The following CPEB4 variants were observed in gnomAD, a reference collection of about 807,000 sequenced individuals.
CPEB4 encodes cytoplasmic polyadenylation element binding protein 4, also known as cytoplasmic polyadenylation element-binding protein 4.
CPEB4 carries 12 observed loss-of-function variants against 72.5 expected under a neutral mutation model. The observed-to-expected ratio is 0.17, with a 90% CI of 0.11 to 0.27. The LOEUF (loss-of-function observed/expected upper bound fraction) is 0.27, where lower values mean the gene tolerates loss of function less well. Among genes scored for constraint, CPEB4 ranks in the 10% least tolerant of loss-of-function variants. The pLI, the probability that CPEB4 is intolerant of heterozygous loss-of-function variation, is 1.00. For synonymous variants in CPEB4, 302 were observed against 326.3 expected, an observed-to-expected ratio of 0.93 and a Z score of 0.80; for missense variants, 614 against 908.5, an observed-to-expected ratio of 0.68 and a Z score of 4.17.
intron 3 of CPEB4, among the ~76,000 whole-genome samples, chr5:173,934,056 A>G (rs1011761723): frequency 1.3e-5 from 2 of 152,130 alleles, no homozygotes; most frequent in Non-Finnish European, 2.9e-5. Context: ...GTGGTGGCAC[A>G]TGCTTGTAGT....
At chr5:173,949,313 G>A (rs1326691123) in intron 5 of CPEB4, among the ~76,000 whole-genome samples, 195 bp from the exon 6 acceptor site, 1 of 152,144 alleles carries the variant, frequency 6.6e-6, no homozygotes, top group Non-Finnish European at 1.5e-5. Flanking sequence ...CAGATAGAGG[G>A]AGAAAGAGGA....
intron 1 of CPEB4, among the ~76,000 whole-genome samples, chr5:173,903,251 G>A (rs1363375979): frequency 6.6e-6 from 1 of 152,076 alleles, no homozygotes; most frequent in African/African-American, 2.4e-5. Flanking sequence ...TCTTTCCAAA[G>A]GTATGGACCT....
rs1182779118 is a variant in CPEB4, at chr5:173,889,796, A to T, written c.63A>T (p.Pro21=). The T allele has an allele frequency of 6.2e-7, 1 of 1,614,076 alleles. No individual in the cohort carries two copies. Among genetic ancestry groups the T allele is most frequent in the Admixed American group, 1.7e-5 (1 of 59,998 alleles). Residue 21 remains proline (P), a synonymous_variant, in exon 1 of 10, where the codon CCA becomes CCT. Coordinates refer to ENST00000265085, the MANE Select transcript of CPEB4 (RefSeq NM_030627.4). ...ATACTGGGAATAAATCTGCTTTTCCAGTCAGATTCCATCCACATCTGCAGC... is the reference window on the plus strand; with the variant it reads ...ATACTGGGAATAAATCTGCTTTTCCTGTCAGATTCCATCCACATCTGCAGC... ...QSNTGNKSAF[P]VRFHPHLQPP... is the part of the protein sequence containing the mutation.
intron 3 of CPEB4, among the ~76,000 whole-genome samples, chr5:173,938,195 T>C (rs531558953): frequency 1.3e-5 from 2 of 152,260 alleles, no homozygotes; most frequent in African/African-American, 4.8e-5. Flanking sequence ...TATTTTCTTT[T>C]AGTCCTCCTG....
chr5:173,959,094 T>C lies in CPEB4; in HGVS notation c.*2957T>C, dbSNP rs1758466459. On this transcript the variant is annotated 3_prime_UTR_variant, in exon 10 of 10. Coordinates refer to ENST00000265085, the MANE Select transcript of CPEB4 (RefSeq NM_030627.4). ...TTCTTCAGATTACATGGGATTGTAG[T>C]TGGGAGTTACCATGTAACTCAAACA... 1.3e-5 allele frequency: 2 copies of C among 152,792 alleles called. No homozygotes were observed. The highest frequency in any genetic ancestry group is 4.8e-5 in the African/African-American group (2 of 41,468). The allele number at this position is 152,792 out of a possible 1,614,324, so 9.5% of individuals were successfully genotyped here.
chr5:173,912,627 T>A (rs1161670063), intron 2 of CPEB4, among the ~76,000 whole-genome samples: 1 of 123,116 alleles, frequency 8.1e-6, no homozygotes, highest in Non-Finnish European at 1.9e-5. Context: ...AATAAAATAA[T>A]TTTTTTTTTT....
rs572787454 is a variant in CPEB4, at chr5:173,904,208, C to T, written c.1126-6315C>T. ...ACATTGATGGAATTATTTAAATACT[C>T]GAAGCTTCAGTTTCTTCATCTGTGA... On this transcript the variant is annotated intron_variant, in intron 1 of 9. Transcript: ENST00000265085. 6.6e-5 allele frequency among the ~76,000 whole-genome samples: 10 copies of T among 152,260 alleles called. No individual in the cohort carries two copies. In the South Asian group the frequency reaches 8.3e-4, roughly 13 times the overall value.
At chr5:173,895,500 G>T (rs1393862863) in intron 1 of CPEB4, among the ~76,000 whole-genome samples, 1 of 152,168 alleles carries the variant, frequency 6.6e-6, no homozygotes, top group African/African-American at 2.4e-5. Flanking sequence ...ATTATATACT[G>T]CATCTTATAT....
chr5:173,919,629 C>T (rs1427034142), intron 2 of CPEB4, among the ~76,000 whole-genome samples: 1 of 152,174 alleles, frequency 6.6e-6, no homozygotes, highest in Non-Finnish European at 1.5e-5. Flanking sequence ...CTATGAAGGT[C>T]TTAAGGCTTT....
At chr5:173,899,808 T>A (rs1376197543) in intron 1 of CPEB4, among the ~76,000 whole-genome samples, 1 of 152,190 alleles carries the variant, frequency 6.6e-6, no homozygotes, top group East Asian at 1.9e-4. Context: ...TTTACATTTC[T>A]TGCTTGCTTT....
rs1312428074 is a variant in CPEB4 at position 173,890,800 on chromosome 5, C to T, written c.1067C>T (p.Ala356Val). ...TATGCTCGCCCCAGCTCTGCCTTTG[C>T]ACCTAAATCCTGGATGGAAGATAGC... Reference protein sequence around the residue: ...QKYARPSSAFAPKSWMEDSLN... With the variant: ...QKYARPSSAFVPKSWMEDSLN... The change falls in exon 1 of 10, where the codon GCA becomes GTA. Residue 356 changes from alanine (A) to valine (V), a missense_variant. Transcript: ENST00000265085. The T allele has an allele frequency of 1.2e-6, 2 of 1,614,032 alleles. No individual in the cohort carries two copies. The highest frequency in any genetic ancestry group is 1.7e-6 in the Non-Finnish European group (2 of 1,180,008).
At chr5:173,923,257 C>T (rs933922654) in intron 2 of CPEB4, among the ~76,000 whole-genome samples, 8 of 152,166 alleles carry the variant, frequency 5.3e-5, no homozygotes, top group Non-Finnish European at 8.8e-5. Flanking sequence ...TTTAATGCAA[C>T]TTTTTATCAG....
chr5:173,915,184 A>G (rs1333803371), intron 2 of CPEB4, among the ~76,000 whole-genome samples: 3 of 152,214 alleles, frequency 2.0e-5, no homozygotes, highest in African/African-American at 2.4e-5. Flanking sequence ...GTTCAAGTAC[A>G]GTTTTTGAAT....
At chr5:173,906,917 G>T (rs1756457072) in intron 1 of CPEB4, among the ~76,000 whole-genome samples, 1 of 152,140 alleles carries the variant, frequency 6.6e-6, no homozygotes, top group African/African-American at 2.4e-5. Flanking sequence ...ATGGGGCAGG[G>T]TAGTGGGAGG....
chr5:173,938,976 T>C (rs1757729520), intron 3 of CPEB4, among the ~76,000 whole-genome samples: 1 of 152,174 alleles, frequency 6.6e-6, no homozygotes, highest in South Asian at 2.1e-4. Flanking sequence ...CAAAGGTTCT[T>C]GTGGTTGTTT....
intron 2 of CPEB4, among the ~76,000 whole-genome samples, chr5:173,925,715 G>A (rs1392171603): frequency 6.6e-6 from 1 of 152,196 alleles, no homozygotes; most frequent in Admixed American, 6.5e-5. Context: ...AACAGAAGAT[G>A]TGCAGGGGTA....
intron 2 of CPEB4, among the ~76,000 whole-genome samples, chr5:173,921,633 C>T (rs1757076463): frequency 6.6e-6 from 1 of 152,162 alleles, no homozygotes. Flanking sequence ...GATGGGTGCA[C>T]TCCGTGTTGT....
At chr5:173,911,262 C>T (rs1199749099) in intron 2 of CPEB4, among the ~76,000 whole-genome samples, 4 of 150,282 alleles carry the variant, frequency 2.7e-5, no homozygotes, top group African/African-American at 9.8e-5. Context: ...ACATGGGGTG[C>T]GGGCTTGCAT....
chr5:173,890,704 G>C lies in CPEB4; in HGVS notation c.971G>C (p.Gly324Ala). 6.2e-7 allele frequency: 1 copy of C among 1,614,164 alleles called. No individual in the cohort carries two copies. The highest frequency in any genetic ancestry group is 8.5e-7 in the Non-Finnish European group (1 of 1,180,042). Reference protein sequence around the residue: ...GRDHRRGLNGGITPLNSISPL... With the variant: ...GRDHRRGLNGAITPLNSISPL... ...GATCACCGCAGAGGGCTGAATGGTGGAATAACGCCCCTGAACTCCATCTCG... is the reference window on the plus strand; with the variant it reads ...GATCACCGCAGAGGGCTGAATGGTGCAATAACGCCCCTGAACTCCATCTCG... Residue 324 changes from glycine (G) to alanine (A), a missense_variant, in exon 1 of 10, where the codon GGA (glycine) becomes GCA (alanine). Physicochemically the swap from Gly to Ala is moderately conservative, Grantham distance 60 (BLOSUM62 0). Around this residue, in one of 5 missense-constraint regions of CPEB4, gnomAD observed 458 missense variants for 548.6 expected, o/e 0.83. Coordinates refer to ENST00000265085, the MANE Select transcript of CPEB4 (RefSeq NM_030627.4).
Sources: gnomAD v4.1 joint callset for allele counts (sites outside exome capture counted in the v4.1 genomes callset) on GRCh38, gnomAD v4.1.1 for gene constraint, gnomAD v4.1.1 regional missense constraint, MANE v1.5 for transcripts, NCBI Gene and HGNC (gene_info 2026-07-23, HGNC 2026-07-21) for gene names.